Variants in FRMPD4 observed in about 807,000 individuals in gnomAD.
FRMPD4 encodes the protein FERM and PDZ domain-containing protein 4.
In FRMPD4, 22 loss-of-function variants were observed where a neutral mutation model predicts 94.1. That is an observed-to-expected ratio of 0.23 (90% CI 0.17 to 0.33). The LOEUF (loss-of-function observed/expected upper bound fraction) is 0.33, where lower values mean the gene tolerates loss of function less well. FRMPD4 is among the 10% of genes least tolerant of loss of function. FRMPD4 has a pLI of 1.00. For missense variants in FRMPD4, 1,111 were observed against 1,339.9 expected, an observed-to-expected ratio of 0.83 and a Z score of 2.67; for synonymous variants, 631 against 548.6, an observed-to-expected ratio of 1.15 and a Z score of -2.10.
At chrX:12,579,264 C>T (rs748513641) in intron 2 of FRMPD4, among the ~76,000 whole-genome samples, 1 of 112,564 alleles carries the variant, frequency 8.9e-6, no homozygotes, top group African/African-American at 3.2e-5. Context: ...TCAGACCATT[C>T]TTCCAATTTT....
intron 11 of FRMPD4, among the ~76,000 whole-genome samples, chrX:12,705,803 A>G (rs755647032): frequency 7.2e-5 from 8 of 111,775 alleles, no homozygotes; most frequent in African/African-American, 2.3e-4. Flanking sequence ...TTTATCCATC[A>G]CTGTCCTTTA....
rs764684007 is a variant in FRMPD4, at chrX:12,463,681, G to GTTTTTTTTTTTT, written c.42-34989_42-34988insTTTTTTTTTTTT. On this transcript the variant is annotated intron_variant, in intron 1 of 16. Coordinates refer to ENST00000675598, the MANE Select transcript of FRMPD4 (RefSeq NM_001368397.1). ...GGGTGCCTGTGCCTCCTATGTGTGT[G>GTTTTTTTTTTTT]TTTTTTTTTTGTTTTTGTTTTTTTT... is the stretch of plus-strand genomic sequence containing the variant. 3.1e-4 allele frequency among the ~76,000 whole-genome samples: 16 copies of GTTTTTTTTTTTT among 51,037 alleles called. 4 individuals carry two copies. Among genetic ancestry groups the GTTTTTTTTTTTT allele is most frequent in the African/African-American group, 7.8e-4 (9 of 11,595 alleles). The allele number at this position is 51,037 out of a possible 115,157, so 44.3% of individuals were successfully genotyped here.
chrX:12,399,875 C>G (rs757074257), intron 1 of FRMPD4, among the ~76,000 whole-genome samples: 1 of 111,595 alleles, frequency 9.0e-6, no homozygotes, highest in African/African-American at 3.3e-5. Context: ...TATAACATTA[C>G]ACTTTAATAG....
intron 1 of FRMPD4, among the ~76,000 whole-genome samples, chrX:12,362,618 G>C (rs1230907785): frequency 2.7e-5 from 3 of 111,206 alleles, no homozygotes; most frequent in Non-Finnish European, 5.6e-5. Context: ...TTGGACATTT[G>C]GGTTGGTTCC....
At position 12,515,125 on chromosome X, in the gene FRMPD4, G is replaced by A. The variant is rs140951012; in HGVS notation, c.158+16329G>A. Among the ~76,000 whole-genome samples the A allele has an allele frequency of 7.3e-3, 805 of 110,312 alleles. 9 individuals carry two copies. The highest frequency in any genetic ancestry group is 0.025 in the African/African-American group (750 of 30,601). ...TCTGTCTTTTCTTAGCTAGCAGTCT[G>A]TTTTATTAATTTTTTCAAAAAACCA... On this transcript the variant is annotated intron_variant, in intron 2 of 16. Coordinates refer to ENST00000675598, the MANE Select transcript of FRMPD4 (RefSeq NM_001368397.1).
chrX:12,474,482 G>C (rs1316593170), intron 1 of FRMPD4, among the ~76,000 whole-genome samples: 6 of 111,583 alleles, frequency 5.4e-5, no homozygotes, highest in Non-Finnish European at 9.4e-5. Flanking sequence ...GAAGGAAATA[G>C]AGACACAAAA....
intron 2 of FRMPD4, among the ~76,000 whole-genome samples, chrX:12,504,064 C>T (rs988515326): frequency 8.9e-6 from 1 of 112,142 alleles, no homozygotes. Context: ...ATCAAGCCTA[C>T]GTTTTAATAC....
At chrX:11,958,317 A>T (rs186567930) in intron 3 of FRMPD4, among the ~76,000 whole-genome samples, 12 of 112,063 alleles carry the variant, frequency 1.1e-4, no homozygotes, top group African/African-American at 3.2e-4. Flanking sequence ...GTGTCCAAAG[A>T]CAAAATTACA....
chrX:12,371,717 T>A (rs2148008710), intron 1 of FRMPD4, among the ~76,000 whole-genome samples: 1 of 111,597 alleles, frequency 9.0e-6, no homozygotes, highest in Non-Finnish European at 1.9e-5. Context: ...CACATGAGAT[T>A]AATAAATATG....
chrX:12,176,214 G>A (rs749994385), intron 1 of FRMPD4, among the ~76,000 whole-genome samples: 1 of 112,163 alleles, frequency 8.9e-6, no homozygotes, highest in South Asian at 3.7e-4. Context: ...TGTAAACTGG[G>A]CATCAGGATT....
chrX:12,025,118 T>C (rs1448594531), intron 3 of FRMPD4, among the ~76,000 whole-genome samples: 1 of 111,119 alleles, frequency 9.0e-6, no homozygotes, highest in Non-Finnish European at 1.9e-5. Context: ...GGCTACTTCT[T>C]GGTTTTCATT....
At chrX:12,023,703 G>A (rs1287356758) in intron 3 of FRMPD4, among the ~76,000 whole-genome samples, 1 of 111,329 alleles carries the variant, frequency 9.0e-6, no homozygotes, top group Non-Finnish European at 1.9e-5. Context: ...AATGTTCTCA[G>A]GTCTTTATGC....
At chrX:12,412,270 C>T (rs189053665) in intron 1 of FRMPD4, among the ~76,000 whole-genome samples, 39 of 112,152 alleles carry the variant, frequency 3.5e-4, no homozygotes, top group Admixed American at 3.2e-3. Flanking sequence ...CACACAACCA[C>T]CTACCCCATT....
Position 12,721,739 on chromosome X carries a change from G to A in FRMPD4, c.5170G>A (p.Ala1724Thr). The A allele has an allele frequency of 4.0e-6, 3 of 755,410 alleles. No individual in the cohort carries two copies. Among genetic ancestry groups the A allele is most frequent in the Non-Finnish European group, 4.7e-6 (3 of 638,823 alleles). The allele number at this position is 755,410 out of a possible 1,213,427, so 62.3% of individuals were successfully genotyped here. A position where few individuals can be genotyped will look rare whatever the true frequency, so the allele number is the denominator to read the frequency against. The change falls in exon 17 of 17, where the codon GCA becomes ACA. Residue 1724 changes from alanine (A) to threonine (T), a missense_variant. Physicochemically the swap from Ala to Thr is moderately conservative, Grantham distance 58. Transcript: ENST00000675598. ...CATTTGTCTACTGAAAGCTGCCGAA[G>A]CAGCCACTGGAAAGAACCCTGGGGA... ...NYICLLKAAE[A>T]ATGKNPGDPN...
intron 3 of FRMPD4, among the ~76,000 whole-genome samples, chrX:12,002,416 A>G (rs909978606): frequency 1.8e-5 from 2 of 112,359 alleles, no homozygotes; most frequent in African/African-American, 6.5e-5. Flanking sequence ...TTCTAATTAC[A>G]GGATGATGCT....
chrX:12,630,957 G>A (rs1426084853), intron 4 of FRMPD4, among the ~76,000 whole-genome samples: 1 of 111,824 alleles, frequency 8.9e-6, no homozygotes, highest in Non-Finnish European at 1.9e-5. Flanking sequence ...GTAATCCGGA[G>A]AAACAGCCCA....
At chrX:12,390,033 G>T (rs1488652673) in intron 1 of FRMPD4, among the ~76,000 whole-genome samples, 1 of 112,365 alleles carries the variant, frequency 8.9e-6, no homozygotes, top group Non-Finnish European at 1.9e-5. Flanking sequence ...AGAGTCTGAT[G>T]AATCACTAAC....
At chrX:11,873,153 A>C (rs1408206273) in intron 2 of FRMPD4, among the ~76,000 whole-genome samples, 1 of 111,803 alleles carries the variant, frequency 8.9e-6, no homozygotes, top group Non-Finnish European at 1.9e-5. Flanking sequence ...TGGACTATTT[A>C]AGAATGCTTT....
At chrX:12,523,307 C>T in intron 2 of FRMPD4, among the ~76,000 whole-genome samples, 1 of 111,862 alleles carries the variant, frequency 8.9e-6, no homozygotes, top group Non-Finnish European at 1.9e-5. Flanking sequence ...GTGAGAGCCT[C>T]ATGGGCTCTC....
Sources: allele counts gnomAD v4.1 joint callset (sites outside exome capture counted in the v4.1 genomes callset), GRCh38; gene constraint gnomAD v4.1.1; transcripts MANE v1.5; gene names NCBI Gene and HGNC (gene_info 2026-07-23, HGNC 2026-07-21).